PSAPL1: variants seen among roughly 807,000 people sequenced by gnomAD.
PSAPL1 encodes proactivator polypeptide-like 1.
For synonymous variants in PSAPL1, 351 were observed against 291.6 expected (o/e 1.20, Z -2.08); for missense variants, 814 against 688.8 (o/e 1.18, Z -2.03).
rs4318651 is a variant in PSAPL1, at chr4:7,433,261, A to G, written c.*53T>C. 656,177 of 1,312,158 alleles carry G rather than the reference A, an allele frequency of 0.5. 168,600 individuals are homozygous for G. The highest frequency in any genetic ancestry group is 0.6 in the East Asian group (20,329 of 33,780). The allele number at this position is 1,312,158 out of a possible 1,614,324, so 81.3% of individuals were successfully genotyped here. Reference sequence around the variant, plus strand: ...TCATTTGTGAAATGGGGATGGGGAAAGCACCCACCTCATGGGCCTCGCTAG... The same window carrying G: ...TCATTTGTGAAATGGGGATGGGGAAGGCACCCACCTCATGGGCCTCGCTAG... On this transcript the variant is annotated 3_prime_UTR_variant, in exon 1 of 1. Transcript: ENST00000319098.
At position 7,433,999 on chromosome 4, in the gene PSAPL1, C is replaced by A; in HGVS notation, c.881G>T (p.Cys294Phe). 24 of 1,613,208 alleles carry A rather than the reference C, an allele frequency of 1.5e-5. No homozygotes were observed. The highest frequency in any genetic ancestry group is 2.0e-5 in the Non-Finnish European group (23 of 1,179,342). ...SEMQMKAGVT[C>F]EVCMNVVQKL... Reference sequence around the variant, plus strand: ...CTGCACCACGTTCATGCACACCTCACAGGTCACACCGGCCTTCATCTGCAT... The same window carrying A: ...CTGCACCACGTTCATGCACACCTCAAAGGTCACACCGGCCTTCATCTGCAT... Residue 294 changes from cysteine to phenylalanine, a missense_variant, in exon 1 of 1, where the codon TGT becomes TTT. Coordinates refer to ENST00000319098, the MANE Select transcript of PSAPL1 (RefSeq NM_001085382.2).
At position 7,434,872 on chromosome 4, in the gene PSAPL1, C is replaced by A; in HGVS notation, c.8G>T (p.Cys3Phe). 1 of 1,567,684 alleles carries A rather than the reference C, an allele frequency of 6.4e-7. No homozygotes were observed. Among genetic ancestry groups the A allele is most frequent in the Non-Finnish European group, 8.6e-7 (1 of 1,157,524 alleles). The change falls in exon 1 of 1, where the codon TGT (cysteine) becomes TTT (phenylalanine). Residue 3 changes from cysteine (C) to phenylalanine (F), a missense_variant. Cys to Phe is a radical substitution (Grantham distance 205, BLOSUM62 -2). Transcript: ENST00000319098. Reference protein sequence around the residue: MLCALLLLPSLLG... With the variant: MLFALLLLPSLLG... ...GAGGCTGGGCAGGAGGAGCAGGGCA[C>A]ACAGCATGCTGCCCAGGGACTCTCT...
At chr4:7,434,450 G>A in the PSAPL1 span, 1 of 1,610,646 alleles carries the variant, frequency 6.2e-7, no homozygotes, top group Non-Finnish European at 8.5e-7. Context: ...AGGTGCCTCT[G>A]CAGCGGCTCA....
At position 7,433,797 on chromosome 4, in the gene PSAPL1, C is replaced by G. The variant is rs192357452; in HGVS notation, c.1083G>C (p.Lys361Asn). 1 of 1,613,690 alleles carries G rather than the reference C, an allele frequency of 6.2e-7. No homozygotes were observed. Among genetic ancestry groups the G allele is most frequent in the Admixed American group, 1.7e-5 (1 of 60,030 alleles). Reference sequence around the variant, plus strand: ...TCCGGTTGCCACACAGACGGATGAACTTGCACACCTTCTCTGGGGTGATTT... The same window carrying G: ...TCCGGTTGCCACACAGACGGATGAAGTTGCACACCTTCTCTGGGGTGATTT... ...VAKITPEKVC[K>N]FIRLCGNRRR... is the part of the protein sequence containing the mutation. The change falls in exon 1 of 1, where the codon AAG (lysine) becomes AAC (asparagine). Residue 361 changes from lysine to asparagine, a missense_variant. Lys to Asn is a moderately conservative substitution (Grantham distance 94). Coordinates refer to ENST00000319098, the MANE Select transcript of PSAPL1 (RefSeq NM_001085382.2).
In PSAPL1 at chr4:7,433,893, A is replaced by C; in HGVS notation, c.987T>G (p.Pro329=). The C allele has an allele frequency of 6.2e-7, 1 of 1,613,826 alleles. No homozygotes were observed. The highest frequency in any genetic ancestry group is 1.1e-5 in the South Asian group (1 of 91,058). ...HALERVCSVM[P]ASITKECIIL... ...TGATGCACTCCTTCGTGATAGAGGC[A>C]GGCATTACCGAGCACACGCGCTCCA... Residue 329 remains proline, a synonymous_variant, in exon 1 of 1, where the codon CCT becomes CCG. Transcript: ENST00000319098.
rs921123057 is a variant in PSAPL1, at chr4:7,433,142, C to T, written c.*172G>A. ...TTTCAAGGGCAAAGCTGTGCGGCAC[C>T]GTTGTTAAGAGAGAGGCTTTCGGGA... On this transcript the variant is annotated 3_prime_UTR_variant, in exon 1 of 1. Coordinates refer to ENST00000319098, the MANE Select transcript of PSAPL1 (RefSeq NM_001085382.2). The T allele has an allele frequency of 9.3e-5, 56 of 604,552 alleles. No individual in the cohort carries two copies. Among genetic ancestry groups the T allele is most frequent in the African/African-American group, 3.8e-4 (20 of 53,266 alleles). 37.4% of individuals were successfully genotyped at this position (604,552 alleles called of 1,614,324 possible). A position where few individuals can be genotyped will look rare whatever the true frequency, so the allele number is the denominator to read the frequency against.
rs766672830 is a variant in PSAPL1, at chr4:7,433,756, A to T, written c.1124T>A (p.Val375Asp). The change falls in exon 1 of 1, where the codon GTC (valine) becomes GAC (aspartate). Residue 375 changes from valine to aspartate, a missense_variant. Coordinates refer to ENST00000319098, the MANE Select transcript of PSAPL1 (RefSeq NM_001085382.2). ...CGGCACGATGGCATAGGCATCATGG[A>T]CTGCCCGGGCCCGCCTCCGGTTGCC... ...LCGNRRRARAVHDAYAIVPSP... is the reference protein window; with the variant it reads ...LCGNRRRARADHDAYAIVPSP... 6.2e-7 allele frequency: 1 copy of T among 1,613,368 alleles called. No homozygotes were observed. The highest frequency in any genetic ancestry group is 8.5e-7 in the Non-Finnish European group (1 of 1,179,846).
chr4:7,433,299 C>T lies in PSAPL1; in HGVS notation c.*15G>A, dbSNP rs760649460. 41 of 1,372,126 alleles carry T rather than the reference C, an allele frequency of 3.0e-5. No individual in the cohort carries two copies. The highest frequency in any genetic ancestry group is 3.9e-5 in the Non-Finnish European group (41 of 1,060,524). 85.0% of individuals were successfully genotyped at this position (1,372,126 alleles called of 1,614,324 possible). ...TGGGCCTCGCTAGCAGGCTCTGGGT[C>T]TCTGGCAGCCACGGTCACGCGTGTT... On this transcript the variant is annotated 3_prime_UTR_variant, in exon 1 of 1. Transcript: ENST00000319098.
chr4:7,433,463 TG>T, the PSAPL1 span: 2 of 1,567,190 alleles, frequency 1.3e-6, no homozygotes, highest in Non-Finnish European at 1.7e-6. Flanking sequence ...AGTGGGGTCC[TG>T]GGGCCGTGGC....
At chr4:7,434,719 C>T in the PSAPL1 span, 3 of 1,612,908 alleles carry the variant, frequency 1.9e-6, no homozygotes, top group Non-Finnish European at 2.5e-6. Context: ...GGGTTTGTTC[C>T]ATACGGCCCC....
chr4:7,434,211 G>C lies in PSAPL1; in HGVS notation c.669C>G (p.Leu223=), dbSNP rs752907978. 6.8e-6 allele frequency: 11 copies of C among 1,613,622 alleles called. No individual in the cohort carries two copies. The highest frequency in any genetic ancestry group is 8.5e-6 in the Non-Finnish European group (10 of 1,179,916). ...CESLGPGLAV[L]CKNYLFQFFV... is the part of the protein sequence containing the mutation. ...AAAACTGGAAGAGGTAGTTCTTGCA[G>C]AGGACGGCCAGGCCAGGCCCCAAGG... is the stretch of plus-strand genomic sequence containing the variant. The change falls in exon 1 of 1, where the codon CTC becomes CTG. Residue 223 remains leucine, a synonymous_variant. Coordinates refer to ENST00000319098, the MANE Select transcript of PSAPL1 (RefSeq NM_001085382.2).
At position 7,434,163 on chromosome 4, in the gene PSAPL1, C is replaced by T. The variant is rs984927961; in HGVS notation, c.717G>A (p.Leu239=). The change falls in exon 1 of 1, where the codon CTG becomes CTA. Residue 239 remains leucine, a synonymous_variant. Coordinates refer to ENST00000319098, the MANE Select transcript of PSAPL1 (RefSeq NM_001085382.2). ...FQFFVPADQA[L]RLLPPQELCR... is the part of the protein sequence containing the mutation. Reference sequence around the variant, plus strand: ...AGAGCTCCTGCGGGGGGAGAAGCCTCAGTGCTTGGTCAGCAGGGACAAAAA... The same window carrying T: ...AGAGCTCCTGCGGGGGGAGAAGCCTTAGTGCTTGGTCAGCAGGGACAAAAA... 1.3e-5 allele frequency: 21 copies of T among 1,613,896 alleles called. No homozygotes were observed. Among genetic ancestry groups the T allele is most frequent in the Non-Finnish European group, 1.7e-5 (20 of 1,179,880 alleles).
Position 7,432,291 on chromosome 4 carries a change from C to T in PSAPL1, c.*1023G>A, listed in dbSNP as rs971634762. The T allele has an allele frequency of 2.6e-5, 4 of 152,048 alleles. No individual in the cohort carries two copies. Among genetic ancestry groups the T allele is most frequent in the African/African-American group, 9.7e-5 (4 of 41,388 alleles). The allele number at this position is 152,048 out of a possible 1,614,324, so 9.4% of individuals were successfully genotyped here. A position where few individuals can be genotyped will look rare whatever the true frequency, so the allele number is the denominator to read the frequency against. ...ACGCTTGTGGTTTATACAGCGCTTG[C>T]ACCGCCAGACTCTCCTGGGTGCCCC... is the stretch of plus-strand genomic sequence containing the variant. On this transcript the variant is annotated 3_prime_UTR_variant, in exon 1 of 1. Transcript: ENST00000319098.
At position 7,433,927 on chromosome 4, in the gene PSAPL1, G is replaced by T. The variant is rs757260947; in HGVS notation, c.953C>A (p.Thr318Asn). 1 of 1,613,820 alleles carries T rather than the reference G, an allele frequency of 6.2e-7. No individual in the cohort carries two copies. The highest frequency in any genetic ancestry group is 8.5e-7 in the Non-Finnish European group (1 of 1,179,884). Reference sequence around the variant, plus strand: ...CGAGCACACGCGCTCCAGGGCATGGGTGATCATGAGCTCAGAGCTGTTGGA... The same window carrying T: ...CGAGCACACGCGCTCCAGGGCATGGTTGATCATGAGCTCAGAGCTGTTGGA... Reference protein sequence around the residue: ...LMSNSSELMITHALERVCSVM... With the variant: ...LMSNSSELMINHALERVCSVM... The change falls in exon 1 of 1, where the codon ACC (threonine) becomes AAC (asparagine). Residue 318 changes from threonine (T) to asparagine (N), a missense_variant. By Grantham distance (65) the Thr-to-Asn change is moderately conservative. Transcript: ENST00000319098.
rs553883902 is a variant in PSAPL1 at position 7,433,794 on chromosome 4, G to A, written c.1086C>T (p.Phe362=). 1 of 1,613,636 alleles carries A rather than the reference G, an allele frequency of 6.2e-7. No individual in the cohort carries two copies. The highest frequency in any genetic ancestry group is 1.7e-5 in the Admixed American group (1 of 60,030). Residue 362 remains phenylalanine, a synonymous_variant, in exon 1 of 1, where the codon TTC becomes TTT. Transcript: ENST00000319098. The part of the protein sequence containing the change: ...AKITPEKVCK[F]IRLCGNRRRA... Reference sequence around the variant, plus strand: ...GCCTCCGGTTGCCACACAGACGGATGAACTTGCACACCTTCTCTGGGGTGA... The same window carrying A: ...GCCTCCGGTTGCCACACAGACGGATAAACTTGCACACCTTCTCTGGGGTGA...
rs1450475576 is a variant in PSAPL1, at chr4:7,434,824, G to T, written c.56C>A (p.Pro19His). The T allele has an allele frequency of 7.5e-6, 12 of 1,601,576 alleles. No homozygotes were observed. The highest frequency in any genetic ancestry group is 1.0e-5 in the Non-Finnish European group (12 of 1,174,632). The part of the protein sequence containing the change: ...PSLLGATRAS[P>H]TSGPQECAKG... Reference sequence around the variant, plus strand: ...TGCACACTCCTGGGGGCCTGAGGTGGGGCTGGCCCTGGTGGCCCCCAGGAG... The same window carrying T: ...TGCACACTCCTGGGGGCCTGAGGTGTGGCTGGCCCTGGTGGCCCCCAGGAG... The change falls in exon 1 of 1, where the codon CCC becomes CAC. Residue 19 changes from proline to histidine, a missense_variant. Transcript: ENST00000319098.
In PSAPL1 at chr4:7,433,197, CT is replaced by C. The variant is rs1727004428; in HGVS notation, c.*116del. The C allele has an allele frequency of 8.9e-7, 1 of 1,124,458 alleles. No individual in the cohort carries two copies. The highest frequency in any genetic ancestry group is 2.9e-5 in the East Asian group (1 of 33,990). The allele number at this position is 1,124,458 out of a possible 1,614,324, so 69.7% of individuals were successfully genotyped here. A position where few individuals can be genotyped will look rare whatever the true frequency, so the allele number is the denominator to read the frequency against. ...GAATACTTGGTTTTGAACTTCAGCT[CT>C]GCTCCTTCCCAGCCTCCCTCCTCAG... On this transcript the variant is annotated 3_prime_UTR_variant, in exon 1 of 1. Coordinates refer to ENST00000319098, the MANE Select transcript of PSAPL1 (RefSeq NM_001085382.2).
the PSAPL1 span, chr4:7,433,350 C>T: frequency 2.6e-5 from 37 of 1,434,690 alleles, no homozygotes; most frequent in Non-Finnish European, 3.2e-5. Context: ...GCATCTCTTT[C>T]CATACATGCT....
At position 7,433,825 on chromosome 4, in the gene PSAPL1, G is replaced by A; in HGVS notation, c.1055C>T (p.Ala352Val). ...TYSPSLVQLV[A>V]KITPEKVCKF... is the part of the protein sequence containing the mutation. The stretch of plus-strand genomic sequence containing the variant: ...GCACACCTTCTCTGGGGTGATTTTG[G>A]CCACAAGCTGCACCAAGGAGGGGCT... Residue 352 changes from alanine to valine, a missense_variant, in exon 1 of 1, where the codon GCC becomes GTC. Transcript: ENST00000319098. The A allele has an allele frequency of 6.2e-7, 1 of 1,613,786 alleles. No individual in the cohort carries two copies. The highest frequency in any genetic ancestry group is 8.5e-7 in the Non-Finnish European group (1 of 1,179,868).
Sources: gnomAD v4.1 joint callset for allele counts on GRCh38, gnomAD v4.1.1 for gene constraint, MANE v1.5 for transcripts, NCBI Gene and HGNC (gene_info 2026-07-23, HGNC 2026-07-21) for gene names.